Variants in PTPRQ observed in about 807,000 individuals in gnomAD.
PTPRQ encodes the protein protein tyrosine phosphatase receptor type Q, also known as phosphatidylinositol phosphatase PTPRQ.
A neutral mutation model predicts 246.0 loss-of-function variants in PTPRQ; 199 were observed. That is an observed-to-expected ratio of 0.81 (90% CI 0.72 to 0.91). The LOEUF (loss-of-function observed/expected upper bound fraction) is 0.91, where lower values mean the gene tolerates loss of function less well. PTPRQ is among the 40% of genes least tolerant of loss of function. The pLI is 0.00. For synonymous variants in PTPRQ, 869 were observed against 853.2 expected (o/e 1.02, Z -0.32); for missense variants, 2,624 against 2,528.4 (o/e 1.04, Z -0.81).
intron 3 of PTPRQ, among the ~76,000 whole-genome samples, chr12:80,455,648 TGGCCCGATCTC>T (rs1892955026): frequency 6.6e-6 from 1 of 151,096 alleles, no homozygotes; most frequent in Non-Finnish European, 1.5e-5. Flanking sequence ...TGGAGTGCAG[TGGCCCGATCTC>T]GGCTCACTGC....
At chr12:80,465,391 A>G (rs1374942109) in intron 6 of PTPRQ, 1 of 152,266 alleles carries the variant, frequency 6.6e-6, no homozygotes, top group Non-Finnish European at 1.5e-5. Context: ...AGAGTCCAGG[A>G]CCAGATGGAT....
At chr12:80,678,356 T>A in intron 43 of PTPRQ, among the ~76,000 whole-genome samples, 1 of 152,114 alleles carries the variant, frequency 6.6e-6, no homozygotes, top group East Asian at 1.9e-4. Context: ...AGAAAGAATA[T>A]ATTAATACTT....
At chr12:80,444,600 A>C in intron 1 of PTPRQ, 141 bp from the exon 2 acceptor site, 1 of 712,296 alleles carries the variant, frequency 1.4e-6, no homozygotes, top group Non-Finnish European at 2.4e-6. Flanking sequence ...ATCTTACAAT[A>C]ATATGGAACT....
At chr12:80,503,877 G>A (rs988839503) in intron 14 of PTPRQ, among the ~76,000 whole-genome samples, 1 of 151,174 alleles carries the variant, frequency 6.6e-6, no homozygotes, top group Non-Finnish European at 1.5e-5. Context: ...ATTTTTCTGG[G>A]TATGGAATTC....
intron 8 of PTPRQ, among the ~76,000 whole-genome samples, chr12:80,473,313 T>C (rs970396519): frequency 1.3e-5 from 2 of 152,224 alleles, no homozygotes; most frequent in African/African-American, 4.8e-5. Flanking sequence ...ATTTTACCTT[T>C]GTGTTTCTAT....
In PTPRQ at chr12:80,669,061, G is replaced by A; in HGVS notation, c.6247G>A (p.Val2083Ile). The A allele has an allele frequency of 1.3e-6, 2 of 1,550,610 alleles. No individual in the cohort carries two copies. Among genetic ancestry groups the A allele is most frequent in the South Asian group, 1.2e-5 (1 of 84,006 alleles). The change falls in exon 40 of 45, where the codon GTT becomes ATT. Residue 2083 changes from valine to isoleucine, a missense_variant. Coordinates refer to ENST00000644991, the MANE Select transcript of PTPRQ (RefSeq NM_001145026.2). ...IATQGPLPGT[V>I]GDFWRMVWET... ...TACTCAAGGTCCACTACCAGGAACA[G>A]TTGGAGATTTTTGGAGAATGGTGTG...
In PTPRQ at chr12:80,493,262, C is replaced by A. The variant is rs1488440084; in HGVS notation, c.1360-13C>A. On this transcript the variant is annotated splice_polypyrimidine_tract_variant and intron_variant, in intron 9 of 44. Transcript: ENST00000644991. ...CTGTCACAGTCTTTTAAAATATCTA[C>A]TTTTAATTACAGTATATAAATGACC... is the stretch of plus-strand genomic sequence containing the variant. 1.4e-6 allele frequency: 2 copies of A among 1,431,622 alleles called. No homozygotes were observed. The highest frequency in any genetic ancestry group is 2.6e-5 in the East Asian group (1 of 38,050). The allele number at this position is 1,431,622 out of a possible 1,614,324, so 88.7% of individuals were successfully genotyped here.
intron 27 of PTPRQ, among the ~76,000 whole-genome samples, chr12:80,607,614 G>T (rs907347051): frequency 6.6e-6 from 1 of 150,714 alleles, no homozygotes; most frequent in Non-Finnish European, 1.5e-5. Context: ...TCATTAATAT[G>T]TAATTATCAA....
At chr12:80,614,557 G>A (rs919826315) in intron 29 of PTPRQ, among the ~76,000 whole-genome samples, 1 of 150,828 alleles carries the variant, frequency 6.6e-6, no homozygotes, top group African/African-American at 2.4e-5. Context: ...ATGTATATGT[G>A]TATAAAATGA....
In PTPRQ at chr12:80,534,902, T is replaced by A; in HGVS notation, c.2850T>A (p.Asp950Glu). Residue 950 changes from aspartate to glutamate, a missense_variant, in exon 19 of 45, where the codon GAT (aspartate) becomes GAA (glutamate). Asp to Glu is a conservative substitution (Grantham distance 45). Coordinates refer to ENST00000644991, the MANE Select transcript of PTPRQ (RefSeq NM_001145026.2). ...SFQTPEGAPSDPPKDVYYANL... is the reference protein window; with the variant it reads ...SFQTPEGAPSEPPKDVYYANL... ...TTATTTGTTTTATAGCACCAAGCGA[T>A]CCTCCCAAAGATGTTTATTATGCAA... is the stretch of plus-strand genomic sequence containing the variant. 1.9e-6 allele frequency: 3 copies of A among 1,548,634 alleles called. No individual in the cohort carries two copies.
chr12:80,620,134 C>G lies in PTPRQ; in HGVS notation c.5390-20C>G, dbSNP rs754611303. On this transcript the variant is annotated intron_variant, in intron 31 of 44. Coordinates refer to ENST00000644991, the MANE Select transcript of PTPRQ (RefSeq NM_001145026.2). ...TCATATGTTACTTGGAATTATTGTT[C>G]TCTTTGTTTCTGAAAACAGCTCAGC... 1 of 1,521,528 alleles carries G rather than the reference C, an allele frequency of 6.6e-7. No individual in the cohort carries two copies. Among genetic ancestry groups the G allele is most frequent in the South Asian group, 1.3e-5 (1 of 78,244 alleles). The allele number at this position is 1,521,528 out of a possible 1,614,324, so 94.3% of individuals were successfully genotyped here.
rs1393577787 is a variant in PTPRQ, at chr12:80,478,347, C to G, written c.1187-6086C>G. 9.2e-5 allele frequency among the ~76,000 whole-genome samples: 14 copies of G among 152,096 alleles called. No homozygotes were observed. The South Asian group carries it at 2.9e-3, about 32-fold the overall frequency. ...GTCTGTTAGAAGGAAAACTAACAAA[C>G]AGAAAGGACATCCACACCAAAAACC... On this transcript the variant is annotated intron_variant, in intron 8 of 44. Transcript: ENST00000644991.
chr12:80,484,783 A>G (rs1005126726), intron 9 of PTPRQ, among the ~76,000 whole-genome samples, 178 bp downstream of exon 9: 3 of 152,130 alleles, frequency 2.0e-5, no homozygotes, highest in African/African-American at 7.2e-5. Flanking sequence ...TAGGTTATAT[A>G]TTATTAGTTA....
At chr12:80,563,101 G>A (rs1896874831) in intron 25 of PTPRQ, among the ~76,000 whole-genome samples, 1 of 152,082 alleles carries the variant, frequency 6.6e-6, no homozygotes, top group Non-Finnish European at 1.5e-5. Context: ...AATACTATAA[G>A]TATTAAAGAC....
At chr12:80,610,699 AC>A (rs1410454160) in intron 28 of PTPRQ, 74 bp downstream of exon 28, 41 of 1,490,084 alleles carry the variant, frequency 2.8e-5, no homozygotes, top group Non-Finnish European at 3.5e-5. Context: ...ATCATACTCC[AC>A]CAAAAAAGGA....
At chr12:80,533,072 A>C (rs538849419) in intron 17 of PTPRQ, among the ~76,000 whole-genome samples, 1 of 152,190 alleles carries the variant, frequency 6.6e-6, no homozygotes, top group African/African-American at 2.4e-5. Flanking sequence ...AAAATATGAG[A>C]TTACATGAGA....
chr12:80,654,084 TTCTTTTCTTTTC>T (rs1254609286), intron 38 of PTPRQ, among the ~76,000 whole-genome samples: 1 of 151,840 alleles, frequency 6.6e-6, no homozygotes, highest in Non-Finnish European at 1.5e-5. Context: ...CTCTCTTCCT[TTCTTTTCTTTTC>T]TCTTTTCTTT....
At chr12:80,534,504 A>G (rs1484879627) in intron 18 of PTPRQ, among the ~76,000 whole-genome samples, 1 of 152,078 alleles carries the variant, frequency 6.6e-6, no homozygotes, top group Non-Finnish European at 1.5e-5. Flanking sequence ...AAACGAAACA[A>G]CATAAAATGC....
intron 33 of PTPRQ, among the ~76,000 whole-genome samples, chr12:80,625,308 T>C (rs934778828): frequency 1.9e-4 from 29 of 150,156 alleles, no homozygotes; most frequent in African/African-American, 6.7e-4. Flanking sequence ...GGTAAGCTGC[T>C]GAAGACATAT....
Sources: allele counts gnomAD v4.1 joint callset (sites outside exome capture counted in the v4.1 genomes callset), GRCh38; gene constraint gnomAD v4.1.1; transcripts MANE v1.5; gene names NCBI Gene and HGNC (gene_info 2026-07-23, HGNC 2026-07-21).